The following F5 variants were observed in gnomAD, a reference collection of about 807,000 sequenced individuals.
The protein encoded by F5 is activated protein c cofactor.
Under a neutral mutation model 216.4 loss-of-function variants are expected in F5, and 138 were observed. The ratio of observed to expected loss-of-function variants is 0.64; its 90% confidence interval spans 0.56 to 0.73. F5 has a LOEUF of 0.73. Ranked by LOEUF, F5 falls within the 30% of genes least tolerant of loss-of-function variation. The pLI is 0.00. For missense variants in F5, 2,403 were observed against 2,674.0 expected (o/e 0.90, Z 2.24); for synonymous variants, 916 against 930.7 (o/e 0.98, Z 0.29).
At chr1:169,514,796 T>G (rs553060111) in intron 24 of F5, among the ~76,000 whole-genome samples, 5 of 152,164 alleles carry the variant, frequency 3.3e-5, no homozygotes, top group Non-Finnish European at 5.9e-5. Flanking sequence ...ATCTCACCAG[T>G]GATCTGACTT....
chr1:169,536,475 C>T lies in F5; in HGVS notation c.4971+31G>A, dbSNP rs372406371. On this transcript the variant is annotated intron_variant, in intron 14 of 24. Transcript: ENST00000367797. ...CCTCTGGTGCTTGTGGAAATTCCTCCGAAGATCTTAGCAGTGCTCAAAAGA... is the reference window on the plus strand; with the variant it reads ...CCTCTGGTGCTTGTGGAAATTCCTCTGAAGATCTTAGCAGTGCTCAAAAGA... The T allele has an allele frequency of 4.2e-5, 67 of 1,601,988 alleles. No individual in the cohort carries two copies. The African/African-American group carries it at 6.0e-4, about 14-fold the overall frequency.
chr1:169,514,429 G>C lies in F5; in HGVS notation c.6559C>G (p.His2187Asp). 1 of 1,613,048 alleles carries C rather than the reference G, an allele frequency of 6.2e-7. No individual in the cohort carries two copies. The highest frequency in any genetic ancestry group is 8.5e-7 in the Non-Finnish European group (1 of 1,179,416). Residue 2187 changes from histidine (H) to aspartate (D), a missense_variant, in exon 25 of 25, where the codon CAT becomes GAT. His to Asp is a moderately conservative substitution (Grantham distance 81, BLOSUM62 -1). This residue lies in a region of F5 where 659 missense variants were observed against 787.9 expected (regional missense o/e 0.84). Transcript: ENST00000367797. The stretch of plus-strand genomic sequence containing the variant: ...GGGGGGTTGAAAAAGTTCTTCACAT[G>C]TCCTTTGGTATTAGTATTTCCTTCA... The part of the protein sequence containing the change: ...IFEGNTNTKG[H>D]VKNFFNPPII...
chr1:169,554,243 A>C (rs1489313044), intron 7 of F5, among the ~76,000 whole-genome samples: 1 of 96,882 alleles, frequency 1.0e-5, no homozygotes, highest in Admixed American at 9.9e-5. Context: ...ATGTCTTACA[A>C]ATAAGAAAAT....
Position 169,542,681 on chromosome 1 carries a change from G to A in F5, c.2409C>T (p.Ala803=). 6.2e-7 allele frequency: 1 copy of A among 1,614,098 alleles called. No homozygotes were observed. Among genetic ancestry groups the A allele is most frequent in the Non-Finnish European group, 8.5e-7 (1 of 1,179,990 alleles). The stretch of plus-strand genomic sequence containing the variant: ...GTCTCAGTGGGGAACCAGCTGTGGT[G>A]GCTTGTTGGTGAGAAGGGGCTTTCT... The part of the protein sequence containing the change: ...EPQKAPSHQQ[A]TTAGSPLRHL... Residue 803 remains alanine, a synonymous_variant, in exon 13 of 25, where the codon GCC becomes GCT. Transcript: ENST00000367797.
intron 19 of F5, among the ~76,000 whole-genome samples, 159 bp downstream of exon 19, chr1:169,524,678 T>C (rs1431585257): frequency 6.6e-6 from 1 of 152,160 alleles, no homozygotes; most frequent in Non-Finnish European, 1.5e-5. Flanking sequence ...TCCTTTACCA[T>C]ATATGTACCC....
intron 7 of F5, among the ~76,000 whole-genome samples, chr1:169,553,805 C>G (rs958460883): frequency 2.0e-5 from 3 of 152,112 alleles, no homozygotes; most frequent in African/African-American, 7.2e-5. Context: ...AGAAGAGATG[C>G]TGGCAAGGTC....
At chr1:169,566,101 A>G (rs1660593939) in intron 3 of F5, among the ~76,000 whole-genome samples, 1 of 152,122 alleles carries the variant, frequency 6.6e-6, no homozygotes, top group Admixed American at 6.6e-5. Flanking sequence ...TTGCCCTCTC[A>G]GGTCAGAACT....
chr1:169,539,682 C>T (rs1659787818), intron 13 of F5, among the ~76,000 whole-genome samples: 2 of 152,168 alleles, frequency 1.3e-5, no homozygotes, highest in African/African-American at 4.8e-5. Context: ...CATATCTAGA[C>T]AGCTGATGCA....
chr1:169,584,433 A>G (rs1482562883), intron 1 of F5, among the ~76,000 whole-genome samples: 1 of 152,248 alleles, frequency 6.6e-6, no homozygotes, highest in Non-Finnish European at 1.5e-5. Flanking sequence ...CTTTTCTTCA[A>G]TATCTCTTTG....
chr1:169,559,054 A>T (rs934268288), intron 5 of F5, 99 bp downstream of exon 5: 1 of 1,322,130 alleles, frequency 7.6e-7, no homozygotes, highest in African/African-American at 1.4e-5. Flanking sequence ...GTTGCAAAAC[A>T]GTGAGTATGG....
chr1:169,516,729 G>T (rs1461038969), intron 23 of F5, among the ~76,000 whole-genome samples: 2 of 152,174 alleles, frequency 1.3e-5, no homozygotes, highest in Admixed American at 6.5e-5. Flanking sequence ...CAGCATCTAT[G>T]TGCATCACTG....
chr1:169,559,202 T>C lies in F5; in HGVS notation c.681A>G (p.Ser227=), dbSNP rs772786441. ...CATTGACTGTGTACATTAGGGATGA[T>C]GACTGGCTCCAGCTCTTGCTTTCAT... ...VFDESKSWSQ[S]SSLMYTVNGY... is the part of the protein sequence containing the mutation. The change falls in exon 5 of 25, where the codon TCA becomes TCG. Residue 227 remains serine, a synonymous_variant. Coordinates refer to ENST00000367797, the MANE Select transcript of F5 (RefSeq NM_000130.5). 1.9e-6 allele frequency: 3 copies of C among 1,613,866 alleles called. No individual in the cohort carries two copies. Among genetic ancestry groups the C allele is most frequent in the Middle Eastern group, 3.3e-4 (2 of 6,062 alleles).
intron 2 of F5, among the ~76,000 whole-genome samples, chr1:169,575,498 G>A (rs1464907939): frequency 1.3e-5 from 2 of 152,198 alleles, no homozygotes; most frequent in African/African-American, 2.4e-5. Context: ...TGTATTTGTG[G>A]AGGATGATCT....
chr1:169,564,103 A>G (rs980941122), intron 3 of F5, among the ~76,000 whole-genome samples: 5 of 152,048 alleles, frequency 3.3e-5, no homozygotes, highest in African/African-American at 7.2e-5. Flanking sequence ...CCTTCTGACA[A>G]TTCTATCCAG....
At chr1:169,548,601 C>T (rs575007706) in intron 10 of F5, among the ~76,000 whole-genome samples, 8 of 152,276 alleles carry the variant, frequency 5.3e-5, no homozygotes, top group Middle Eastern at 3.4e-3. Flanking sequence ...GGCACAGTGG[C>T]TCACACCTGT....
At position 169,536,490 on chromosome 1, in the gene F5, T is replaced by C; in HGVS notation, c.4971+16A>G. ...GAAATTCCTCCGAAGATCTTAGCAG[T>C]GCTCAAAAGACTTACTTGGATAACA... is the stretch of plus-strand genomic sequence containing the variant. On this transcript the variant is annotated intron_variant, in intron 14 of 24. Coordinates refer to ENST00000367797, the MANE Select transcript of F5 (RefSeq NM_000130.5). 1 of 1,611,380 alleles carries C rather than the reference T, an allele frequency of 6.2e-7. No individual in the cohort carries two copies. The highest frequency in any genetic ancestry group is 8.5e-7 in the Non-Finnish European group (1 of 1,177,840).
At position 169,512,537 on chromosome 1, in the gene F5, T is replaced by C. The variant is rs567224548; in HGVS notation, c.*1776A>G. Reference sequence around the variant, plus strand: ...TTAGCATGCGGTCCTTCTGAGCATGTGACCCTTTGCAACTGAACAGATCAC... The same window carrying C: ...TTAGCATGCGGTCCTTCTGAGCATGCGACCCTTTGCAACTGAACAGATCAC... On this transcript the variant is annotated 3_prime_UTR_variant, in exon 25 of 25. Coordinates refer to ENST00000367797, the MANE Select transcript of F5 (RefSeq NM_000130.5). Among the ~76,000 whole-genome samples the C allele has an allele frequency of 1.2e-4, 19 of 152,206 alleles. No homozygotes were observed. Among genetic ancestry groups the C allele is most frequent in the Admixed American group, 3.3e-4 (5 of 15,252 alleles).
Position 169,541,661 on chromosome 1 carries a change from G to T in F5, c.3429C>A (p.Asp1143Glu), listed in dbSNP as rs1292824141. The stretch of plus-strand genomic sequence containing the variant: ...CTGGAGAAGAGGATCTGTGACTGGG[G>T]TCTGAAGTAGAGTGCATTTGATCAG... Reference protein sequence around the residue: ...QDPDQMHSTSDPSHRSSSPEL... With the variant: ...QDPDQMHSTSEPSHRSSSPEL... Residue 1143 changes from aspartate (D) to glutamate (E), a missense_variant, in exon 13 of 25, where the codon GAC (aspartate) becomes GAA (glutamate). Asp to Glu is a conservative substitution (Grantham distance 45, BLOSUM62 2). Transcript: ENST00000367797. 2 of 1,614,154 alleles carry T rather than the reference G, an allele frequency of 1.2e-6. No individual in the cohort carries two copies. The highest frequency in any genetic ancestry group is 1.7e-5 in the Admixed American group (1 of 60,006).
chr1:169,523,919 A>C lies in F5; in HGVS notation c.5789-15T>G. 6.3e-7 allele frequency: 1 copy of C among 1,596,562 alleles called. No individual in the cohort carries two copies. Among genetic ancestry groups the C allele is most frequent in the Non-Finnish European group, 8.6e-7 (1 of 1,164,770 alleles). ...CTCCCAGTAACCTAAACTCAAGGGA[A>C]GAAAAAGATTTATTCTGAATTTTTT... On this transcript the variant is annotated splice_polypyrimidine_tract_variant and intron_variant, in intron 19 of 24. Transcript: ENST00000367797.
Sources: gnomAD v4.1 joint callset for allele counts (sites outside exome capture counted in the v4.1 genomes callset) on GRCh38, gnomAD v4.1.1 for gene constraint, gnomAD v4.1.1 regional missense constraint, MANE v1.5 for transcripts, NCBI Gene and HGNC (gene_info 2026-07-23, HGNC 2026-07-21) for gene names.